ATP2A2: variants seen among roughly 807,000 people sequenced by gnomAD.
ATP2A2 encodes the protein ATPase sarcoplasmic/endoplasmic reticulum Ca2+ transporting 2.
ATP2A2 carries 14 observed loss-of-function variants against 109.3 expected under a neutral mutation model. The observed-to-expected ratio is 0.13, with a 90% CI of 0.08 to 0.20. ATP2A2 has a LOEUF of 0.20. Among genes scored for constraint, ATP2A2 ranks in the 10% least tolerant of loss-of-function variants. The pLI, the probability that ATP2A2 is intolerant of heterozygous loss-of-function variation, is 1.00. For synonymous variants in ATP2A2, 506 were observed against 490.9 expected (o/e 1.03, Z -0.41); for missense variants, 657 against 1,321.6 (o/e 0.50, Z 7.80).
intron 5 of ATP2A2, among the ~76,000 whole-genome samples, chr12:110,304,568 T>C (rs923972727): frequency 9.8e-5 from 15 of 152,382 alleles, no homozygotes; most frequent in African/African-American, 3.4e-4. Context: ...CTATTGTCCA[T>C]CGGTGTGTTT....
chr12:110,297,282 A>G (rs533981023), intron 5 of ATP2A2, among the ~76,000 whole-genome samples: 2 of 152,060 alleles, frequency 1.3e-5, no homozygotes, highest in Admixed American at 1.3e-4. Context: ...TAAAAATGCA[A>G]AAATTAGCCG....
intron 11 of ATP2A2, among the ~76,000 whole-genome samples, chr12:110,338,462 A>G (rs999925989): frequency 5.9e-5 from 9 of 152,048 alleles, no homozygotes; most frequent in African/African-American, 1.7e-4. Flanking sequence ...CCTTCAGCCA[A>G]TGCTTTTGTT....
intron 3 of ATP2A2, among the ~76,000 whole-genome samples, chr12:110,288,402 T>G (rs1308234761): frequency 6.6e-6 from 1 of 151,840 alleles, no homozygotes; most frequent in African/African-American, 2.4e-5. Flanking sequence ...AAACAGATAA[T>G]TCTTTTTTTT....
chr12:110,300,950 A>G (rs1258272077), intron 5 of ATP2A2, among the ~76,000 whole-genome samples: 3 of 152,142 alleles, frequency 2.0e-5, no homozygotes, highest in Non-Finnish European at 4.4e-5. Flanking sequence ...GTGGTGGGTG[A>G]GGTTGTAGAT....
rs1031056434 is a variant in ATP2A2, at chr12:110,281,756, G to A, written c.-34G>A. On this transcript the variant is annotated 5_prime_UTR_variant, in exon 1 of 20. Transcript: ENST00000539276. ...GAGGCGGAGGCGAGGAGGCCGCGGG[G>A]ACGGGAGGCGAGGCCGGCCGGGCCC... is the stretch of plus-strand genomic sequence containing the variant. The A allele has an allele frequency of 3.5e-5, 51 of 1,439,940 alleles. No individual in the cohort carries two copies. The highest frequency in any genetic ancestry group is 1.9e-4 in the Middle Eastern group (1 of 5,376). 89.2% of individuals were successfully genotyped at this position (1,439,940 alleles called of 1,614,324 possible).
chr12:110,311,732 TA>T (rs74429533), intron 5 of ATP2A2, among the ~76,000 whole-genome samples: 49,886 of 138,610 alleles, frequency 0.36, 9,312 homozygotes, highest in African/African-American at 0.47. Flanking sequence ...GAGAATTGTT[TA>T]AAAAAAAAAA....
chr12:110,286,730 C>T (rs1455600920), intron 3 of ATP2A2, among the ~76,000 whole-genome samples: 1 of 147,706 alleles, frequency 6.8e-6, no homozygotes, highest in Non-Finnish European at 1.5e-5. Flanking sequence ...ATGTAAATTT[C>T]TTCATTTATT....
chr12:110,297,445 A>AC (rs1874086265), intron 5 of ATP2A2, among the ~76,000 whole-genome samples: 1 of 151,732 alleles, frequency 6.6e-6, no homozygotes, highest in Non-Finnish European at 1.5e-5. Context: ...AAAAAAAAAA[A>AC]AAAAAAACAG....
chr12:110,288,101 C>CTTTTTTTTTT (rs71083111), intron 3 of ATP2A2, among the ~76,000 whole-genome samples: 1 of 87,300 alleles, frequency 1.1e-5, no homozygotes, highest in African/African-American at 5.3e-5. Context: ...ATGCTTTGCC[C>CTTTTTTTTTT]TTTTTTTTTT....
At chr12:110,325,000 G>A (rs1163118967) in intron 6 of ATP2A2, among the ~76,000 whole-genome samples, 2 of 151,390 alleles carry the variant, frequency 1.3e-5, no homozygotes, top group African/African-American at 4.9e-5. Context: ...TTTTAGTAGA[G>A]ATAGGGTTTT....
At chr12:110,313,310 C>CTTT (rs748790705) in intron 5 of ATP2A2, among the ~76,000 whole-genome samples, 2,588 of 113,108 alleles carry the variant, frequency 0.023, 72 homozygotes, top group Middle Eastern at 0.054. Flanking sequence ...ACCACCTTTC[C>CTTT]TTTTTTTTTT....
intron 11 of ATP2A2, among the ~76,000 whole-genome samples, chr12:110,338,500 C>G (rs1030689369): frequency 2.0e-5 from 3 of 152,148 alleles, no homozygotes; most frequent in African/African-American, 7.2e-5. Flanking sequence ...CTCTTTCGTC[C>G]AGGGTGGAGT....
chr12:110,297,452 A>C (rs1874088367), intron 5 of ATP2A2, among the ~76,000 whole-genome samples: 1 of 150,638 alleles, frequency 6.6e-6, no homozygotes, highest in East Asian at 1.9e-4. Context: ...AAAAAAAAAA[A>C]CAGTATGCTT....
upstream of ATP2A2, chr12:110,280,996 G>C (rs1039728043): frequency 6.6e-6 from 1 of 152,024 alleles, no homozygotes; most frequent in Admixed American, 6.5e-5. Context: ...AGGCACAGAA[G>C]AGGGTACCCA....
rs371452293 is a variant in ATP2A2 at position 110,315,322 on chromosome 12, C to G, written c.464-7670C>G. 4.2e-3 allele frequency among the ~76,000 whole-genome samples: 644 copies of G among 152,304 alleles called. 5 individuals are homozygous for G. The highest frequency in any genetic ancestry group is 6.8e-3 in the Middle Eastern group (2 of 294). ...TAGTGCATGGTTGCCTTTGCAACATCTAATGAATTGGTTACCTTTCTACCC... is the reference window on the plus strand; with the variant it reads ...TAGTGCATGGTTGCCTTTGCAACATGTAATGAATTGGTTACCTTTCTACCC... On this transcript the variant is annotated intron_variant, in intron 5 of 19. Coordinates refer to ENST00000539276, the MANE Select transcript of ATP2A2 (RefSeq NM_170665.4).
chr12:110,343,218 T>G lies in ATP2A2; in HGVS notation c.2319-14T>G. 1 of 1,613,382 alleles carries G rather than the reference T, an allele frequency of 6.2e-7. No individual in the cohort carries two copies. The highest frequency in any genetic ancestry group is 1.1e-5 in the South Asian group (1 of 91,054). ...TTTGGGCTCTCTTTGTCTTCTTTTC[T>G]TGATTGGAAACAGTATTTTCCTGAC... On this transcript the variant is annotated splice_polypyrimidine_tract_variant and intron_variant, in intron 15 of 19. Coordinates refer to ENST00000539276, the MANE Select transcript of ATP2A2 (RefSeq NM_170665.4).
chr12:110,349,928 T>A lies in ATP2A2; in HGVS notation c.*3458T>A. On this transcript the variant is annotated 3_prime_UTR_variant, in exon 20 of 20. Transcript: ENST00000539276. ...ACAGGAAGGCTGTGCTGCTACTGGC[T>A]GCTCACTTCTCCATCAACCTCACCC... 8.7e-7 allele frequency: 1 copy of A among 1,155,016 alleles called. No individual in the cohort carries two copies. The highest frequency in any genetic ancestry group is 3.8e-4 in the Middle Eastern group (1 of 2,604). The allele number at this position is 1,155,016 out of a possible 1,614,324, so 71.5% of individuals were successfully genotyped here.
chr12:110,346,507 C>CA lies in ATP2A2; in HGVS notation c.*39dup. ...CCATAAAGAAGATGTTTAACTTAAT[C>CA]AATTAATTTTTTTATTGTTTAAAGC... On this transcript the variant is annotated 3_prime_UTR_variant, in exon 20 of 20. Coordinates refer to ENST00000539276, the MANE Select transcript of ATP2A2 (RefSeq NM_170665.4). The CA allele has an allele frequency of 1.9e-6, 3 of 1,610,590 alleles. No homozygotes were observed. The highest frequency in any genetic ancestry group is 2.5e-6 in the Non-Finnish European group (3 of 1,178,864).
At chr12:110,295,568 C>T (rs557437899) in intron 4 of ATP2A2, among the ~76,000 whole-genome samples, 1 of 152,286 alleles carries the variant, frequency 6.6e-6, no homozygotes, top group Non-Finnish European at 1.5e-5. Context: ...GTAAGAATGT[C>T]TGATATGAGA....
Sources: allele counts gnomAD v4.1 joint callset (sites outside exome capture counted in the v4.1 genomes callset), GRCh38; gene constraint gnomAD v4.1.1; transcripts MANE v1.5; gene names NCBI Gene and HGNC (gene_info 2026-07-23, HGNC 2026-07-21).